CNTN4: variants seen among roughly 807,000 people sequenced by gnomAD.
The protein encoded by CNTN4 is contactin 4, also known as contactin-4.
A neutral mutation model predicts 122.5 loss-of-function variants in CNTN4; 77 were observed. The observed-to-expected ratio is 0.63, with a 90% CI of 0.52 to 0.76. CNTN4 has a LOEUF of 0.76. Among genes scored for constraint, CNTN4 ranks in the 30% least tolerant of loss-of-function variants. CNTN4 has a pLI of 0.00. For synonymous variants in CNTN4, 512 were observed against 447.0 expected, an observed-to-expected ratio of 1.15 and a Z score of -1.83; for missense variants, 1,256 against 1,259.1, an observed-to-expected ratio of 1.00 and a Z score of 0.04.
chr3:2,741,427 C>A (rs1257757123), intron 5 of CNTN4, among the ~76,000 whole-genome samples: 1 of 152,182 alleles, frequency 6.6e-6, no homozygotes, highest in Non-Finnish European at 1.5e-5. Flanking sequence ...AAGAAAACAA[C>A]AACTCTCTAA....
rs186366174 is a variant in CNTN4 at position 2,412,457 on chromosome 3, C to G, written c.-89+73224C>G. Among the ~76,000 whole-genome samples the G allele has an allele frequency of 1.9e-4, 29 of 152,030 alleles. No homozygotes were observed. The East Asian group carries it at 5.4e-3, about 28-fold the overall frequency. ...TATTGGAGACGGGGTTTCACTATGTCGGTCAGGCTGGTCTCAAACTCCTGA... is the reference window on the plus strand; with the variant it reads ...TATTGGAGACGGGGTTTCACTATGTGGGTCAGGCTGGTCTCAAACTCCTGA... On this transcript the variant is annotated intron_variant, in intron 3 of 24. Transcript: ENST00000418658.
intron 13 of CNTN4, among the ~76,000 whole-genome samples, chr3:2,959,542 T>C (rs980434449): frequency 6.6e-6 from 1 of 152,158 alleles, no homozygotes; most frequent in Non-Finnish European, 1.5e-5. Context: ...TTAGAAATAG[T>C]ATATACCATC....
Position 2,745,658 on chromosome 3 carries a change from G to T in CNTN4, c.319G>T (p.Gly107Ter). 1 of 1,614,068 alleles carries T rather than the reference G, an allele frequency of 6.2e-7. No homozygotes were observed. The highest frequency in any genetic ancestry group is 8.5e-7 in the Non-Finnish European group (1 of 1,179,958). Reference sequence around the variant, plus strand: ...CCAGTGCACAGCGACAAACTCGTTTGGAACAATTGTTAGCAGAGAAGCAAA... The same window carrying T: ...CCAGTGCACAGCGACAAACTCGTTTTGAACAATTGTTAGCAGAGAAGCAAA... The part of the protein sequence containing the change: ...TYQCTATNSF[G>*]TIVSREAKLQ... Residue 107 changes from glycine to a stop codon, truncating the protein, a stop_gained, in exon 6 of 25, where the codon GGA becomes TGA. Coordinates refer to ENST00000418658, the MANE Select transcript of CNTN4 (RefSeq NM_175607.3). LOFTEE classifies it high-confidence loss of function.
intron 2 of CNTN4, among the ~76,000 whole-genome samples, chr3:2,306,392 T>C (rs1320920642): frequency 1.3e-5 from 2 of 152,214 alleles, no homozygotes; most frequent in Non-Finnish European, 2.9e-5. Flanking sequence ...ATGTCTCTAA[T>C]TGCTAATGAT....
chr3:2,339,366 T>C (rs1472659038), intron 3 of CNTN4, 133 bp downstream of exon 3: 1 of 152,120 alleles, frequency 6.6e-6, no homozygotes, highest in African/African-American at 2.4e-5. Context: ...TTTTTATGAA[T>C]GTTGAAATTA....
At chr3:2,265,134 A>G (rs371624207) in intron 2 of CNTN4, among the ~76,000 whole-genome samples, 4 of 152,172 alleles carry the variant, frequency 2.6e-5, no homozygotes, top group East Asian at 1.9e-4. Flanking sequence ...TTTCTGAGTT[A>G]CTTCACATAG....
intron 4 of CNTN4, among the ~76,000 whole-genome samples, chr3:2,687,914 G>C (rs973112662): frequency 3.1e-4 from 47 of 152,098 alleles, no homozygotes; most frequent in African/African-American, 1.1e-3. Flanking sequence ...GTTCAGAGTT[G>C]ACAATAAGTT....
intron 2 of CNTN4, among the ~76,000 whole-genome samples, chr3:2,292,251 CT>C (rs1337931576): frequency 6.6e-6 from 1 of 152,148 alleles, no homozygotes; most frequent in African/African-American, 2.4e-5. Context: ...ATAAGCTTGT[CT>C]CTTGCACAAC....
In CNTN4 at chr3:2,776,274, C is replaced by CT. The variant is rs10575193; in HGVS notation, c.358+30596dup. On this transcript the variant is annotated intron_variant, in intron 6 of 24. Transcript: ENST00000418658. ...GCAATTTGATTGGTTATAAGTGTTT[C>CT]TTTTTTTTTTTTTTTTTTTGGAAAG... Among the ~76,000 whole-genome samples, 494 of 134,154 alleles carry CT rather than the reference C, an allele frequency of 3.7e-3. 1 individual carries two copies. Among genetic ancestry groups the CT allele is most frequent in the African/African-American group, 0.012 (412 of 35,232 alleles). The allele number at this position is 134,154 out of a possible 152,430, so 88.0% of individuals were successfully genotyped here.
At chr3:2,541,952 G>A (rs542149364) in intron 3 of CNTN4, among the ~76,000 whole-genome samples, 10 of 152,060 alleles carry the variant, frequency 6.6e-5, no homozygotes, top group Non-Finnish European at 1.3e-4. Flanking sequence ...CTGCACAGGT[G>A]TTTCCAAATA....
chr3:2,356,766 T>C (rs574143550), intron 3 of CNTN4, among the ~76,000 whole-genome samples: 4 of 152,320 alleles, frequency 2.6e-5, no homozygotes, highest in African/African-American at 9.6e-5. Flanking sequence ...ACAGTTGCTG[T>C]CTTTTTTCAG....
At position 2,911,669 on chromosome 3, in the gene CNTN4, T is replaced by G. The variant is rs1298218620; in HGVS notation, c.1207+8664T>G. On this transcript the variant is annotated intron_variant, in intron 12 of 24. Transcript: ENST00000418658. ...TCAAGGAATTAAGAGACAGTACAGA[T>G]AGATAACTAAAGGAAATCAGGTAAA... 2.0e-5 allele frequency among the ~76,000 whole-genome samples: 3 copies of G among 152,152 alleles called. No homozygotes were observed. The South Asian group carries it at 6.2e-4, about 32-fold the overall frequency.
intron 3 of CNTN4, among the ~76,000 whole-genome samples, chr3:2,411,841 A>G (rs901362683): frequency 6.6e-6 from 1 of 152,176 alleles, no homozygotes. Context: ...GAGATGTAGT[A>G]TACATAATGT....
chr3:2,452,817 G>T (rs1353840377), intron 3 of CNTN4, among the ~76,000 whole-genome samples: 1 of 151,970 alleles, frequency 6.6e-6, no homozygotes, highest in Non-Finnish European at 1.5e-5. Context: ...ACAAAACAAT[G>T]TCAGGGAAAG....
intron 10 of CNTN4, among the ~76,000 whole-genome samples, chr3:2,897,409 C>T (rs189168328): frequency 1.3e-5 from 2 of 150,524 alleles, no homozygotes; most frequent in African/African-American, 4.9e-5. Flanking sequence ...GTGTTTAATT[C>T]TGCTTAATAT....
chr3:2,792,322 A>G (rs1043474809), intron 6 of CNTN4, among the ~76,000 whole-genome samples: 6 of 152,198 alleles, frequency 3.9e-5, no homozygotes, highest in African/African-American at 1.2e-4. Context: ...ACTACACAAC[A>G]ATCTTCGTGA....
intron 2 of CNTN4, among the ~76,000 whole-genome samples, chr3:2,211,198 C>T (rs759932691): frequency 5.3e-5 from 8 of 152,030 alleles, no homozygotes; most frequent in Middle Eastern, 3.4e-3. Flanking sequence ...GAGAGTGTGG[C>T]GGGGGTTGGG....
intron 3 of CNTN4, among the ~76,000 whole-genome samples, chr3:2,534,830 G>GCTGCTGCTGCTGCTGCTGCTGCTA (rs1559202867): frequency 8.2e-6 from 1 of 122,130 alleles, no homozygotes; most frequent in African/African-American, 2.9e-5. Context: ...TGCTGCTGCT[G>GCTGCTGCTGCTGCTGCTGCTGCTA]CTGCTGTTGC....
intron 2 of CNTN4, among the ~76,000 whole-genome samples, chr3:2,176,116 C>G (rs1040083971): frequency 6.6e-6 from 1 of 152,098 alleles, no homozygotes; most frequent in African/African-American, 2.4e-5. Flanking sequence ...TGCACAGGTA[C>G]TTGTCATGCT....
Sources: allele counts gnomAD v4.1 joint callset (sites outside exome capture counted in the v4.1 genomes callset), GRCh38; gene constraint gnomAD v4.1.1; transcripts MANE v1.5; gene names NCBI Gene and HGNC (gene_info 2026-07-23, HGNC 2026-07-21).